TDRP: variants seen among roughly 807,000 people sequenced by gnomAD.
TDRP encodes testis development-related protein.
TDRP carries 12 observed loss-of-function variants against 10.5 expected under a neutral mutation model. The observed-to-expected ratio is 1.15, with a 90% confidence interval of 0.73 to 1.86. The LOEUF (loss-of-function observed/expected upper bound fraction) is 1.86, where lower values mean the gene tolerates loss of function less well. TDRP is among the 40% of genes most tolerant of loss of function. The pLI is 0.00. For synonymous variants in TDRP, 139 were observed against 95.4 expected (o/e 1.46, Z -2.67); for missense variants, 353 against 229.2 (o/e 1.54, Z -3.49).
At chr8:517,966 T>C (rs922642796) in intron 1 of TDRP, among the ~76,000 whole-genome samples, 1 of 151,936 alleles carries the variant, frequency 6.6e-6, no homozygotes, top group Non-Finnish European at 1.5e-5. Flanking sequence ...GAGGGAGGGA[T>C]GAAAAGGTGG....
chr8:545,034 G>A (rs1313929471), upstream of TDRP: 7 of 234,092 alleles, frequency 3.0e-5, no homozygotes, highest in East Asian at 7.3e-5. Flanking sequence ...AAACCCTTCC[G>A]AAGACCAGAC....
intron 1 of TDRP, among the ~76,000 whole-genome samples, chr8:526,020 A>C (rs1802025941): frequency 1.3e-5 from 2 of 152,172 alleles, no homozygotes; most frequent in South Asian, 4.1e-4. Context: ...TCATGGTTCA[A>C]ACTTCACAGG....
At chr8:518,683 C>A (rs1484437345) in intron 1 of TDRP, among the ~76,000 whole-genome samples, 6 of 151,754 alleles carry the variant, frequency 4.0e-5, no homozygotes, top group Non-Finnish European at 5.9e-5. Flanking sequence ...CTAAAAGAAT[C>A]TGATCTCAGG....
intron 1 of TDRP, 107 bp from the exon 2 acceptor site, chr8:494,704 G>C (rs1319284186): frequency 3.1e-6 from 3 of 953,600 alleles, no homozygotes; most frequent in Non-Finnish European, 4.8e-6. Flanking sequence ...AGAATTGGCA[G>C]AGCTTACATC....
At chr8:501,663 T>C (rs189760137) in intron 1 of TDRP, among the ~76,000 whole-genome samples, 6 of 152,316 alleles carry the variant, frequency 3.9e-5, no homozygotes, top group African/African-American at 1.4e-4. Context: ...TGCTATACGT[T>C]TTAAAGGTAT....
chr8:529,722 C>A (rs1288210787), intron 1 of TDRP, among the ~76,000 whole-genome samples: 1 of 152,174 alleles, frequency 6.6e-6, no homozygotes, highest in Non-Finnish European at 1.5e-5. Flanking sequence ...AATGTTTCTG[C>A]TGACAAATCT....
intron 1 of TDRP, among the ~76,000 whole-genome samples, chr8:534,922 G>A (rs73670314): frequency 0.028 from 4,213 of 152,184 alleles, 203 homozygotes; most frequent in African/African-American, 0.097. Context: ...TCATTATCCA[G>A]GATTCTATCC....
chr8:490,188 A>C lies in TDRP; in HGVS notation c.*2211T>G, dbSNP rs1800929120. On this transcript the variant is annotated 3_prime_UTR_variant, in exon 3 of 3. Transcript: ENST00000324079. ...TTGATAACTTCTTTCAAGAAAAGAT[A>C]ATTTTTCTCCCAAAGCACACCAATA... 1.3e-5 allele frequency: 2 copies of C among 152,218 alleles called. No individual in the cohort carries two copies. The highest frequency in any genetic ancestry group is 1.3e-4 in the Admixed American group (2 of 15,284). The allele number at this position is 152,218 out of a possible 1,614,324, so 9.4% of individuals were successfully genotyped here.
At chr8:543,264 G>C (rs1416979405) in intron 1 of TDRP, among the ~76,000 whole-genome samples, 3 of 152,158 alleles carry the variant, frequency 2.0e-5, no homozygotes, top group Non-Finnish European at 2.9e-5. Context: ...AGTGAGCCGA[G>C]ATTGCGCCAC....
At chr8:506,851 T>C (rs569962047) in intron 1 of TDRP, among the ~76,000 whole-genome samples, 1 of 152,274 alleles carries the variant, frequency 6.6e-6, no homozygotes, top group African/African-American at 2.4e-5. Context: ...GCACAGAGTG[T>C]AGAGAAGCTT....
At chr8:497,613 T>C (rs192888995) in intron 1 of TDRP, among the ~76,000 whole-genome samples, 177 of 152,308 alleles carry the variant, frequency 1.2e-3, no homozygotes, top group African/African-American at 3.9e-3. Context: ...AAGAAAACCC[T>C]TTCTGGGAAG....
intron 1 of TDRP, among the ~76,000 whole-genome samples, chr8:535,978 A>G (rs898286177): frequency 3.3e-5 from 5 of 152,188 alleles, no homozygotes; most frequent in African/African-American, 4.8e-5. Context: ...CCTAACTCTA[A>G]TAAGAATAGC....
At chr8:494,879 A>G (rs1801084563) in intron 1 of TDRP, 1 of 263,008 alleles carries the variant, frequency 3.8e-6, no homozygotes, top group African/African-American at 2.2e-5. Context: ...AGCTTATGAA[A>G]GTGATGCTTA....
intron 1 of TDRP, among the ~76,000 whole-genome samples, chr8:509,793 T>G (rs1255085026): frequency 5.3e-5 from 8 of 152,234 alleles, no homozygotes; most frequent in Admixed American, 4.6e-4. Context: ...TAGCTTTTTC[T>G]TTTCTATTAC....
At chr8:511,734 T>G (rs1801624616) in intron 1 of TDRP, among the ~76,000 whole-genome samples, 1 of 152,184 alleles carries the variant, frequency 6.6e-6, no homozygotes, top group African/African-American at 2.4e-5. Context: ...ATAAAACTAT[T>G]CAAAGTCCTT....
chr8:517,910 A>C (rs760737749), intron 1 of TDRP, among the ~76,000 whole-genome samples: 11 of 152,226 alleles, frequency 7.2e-5, no homozygotes, highest in Non-Finnish European at 1.6e-4. Context: ...GAAAACACAA[A>C]ACTATGGAGA....
intron 1 of TDRP, among the ~76,000 whole-genome samples, chr8:527,911 G>A (rs1309885915): frequency 6.6e-6 from 1 of 152,084 alleles, no homozygotes; most frequent in African/African-American, 2.4e-5. Context: ...GGACAAATGG[G>A]ATCACATCAA....
intron 1 of TDRP, among the ~76,000 whole-genome samples, chr8:535,457 T>C (rs1802320801): frequency 6.6e-6 from 1 of 152,118 alleles, no homozygotes; most frequent in Non-Finnish European, 1.5e-5. Flanking sequence ...ACGACCTCCC[T>C]GCCCTGAGCA....
chr8:545,029 C>G (rs1363859234), upstream of TDRP: 1 of 275,460 alleles, frequency 3.6e-6, no homozygotes, highest in Non-Finnish European at 6.8e-6. Context: ...GCCCCAAACC[C>G]TTCCGAAGAC....
Sources: allele counts gnomAD v4.1 joint callset (sites outside exome capture counted in the v4.1 genomes callset), GRCh38; gene constraint gnomAD v4.1.1; transcripts MANE v1.5; gene names NCBI Gene and HGNC (gene_info 2026-07-23, HGNC 2026-07-21).